The following DNAH3 variants were observed in gnomAD, a reference collection of about 807,000 sequenced individuals.
DNAH3 encodes the protein dynein axonemal heavy chain 3.
In DNAH3, 332 loss-of-function variants were observed where a neutral mutation model predicts 432.5. That is an observed-to-expected ratio of 0.77 (90% confidence interval 0.70 to 0.84). The LOEUF (loss-of-function observed/expected upper bound fraction) is 0.84. Among genes scored for constraint, DNAH3 ranks in the 40% least tolerant of loss-of-function variants. The pLI is 0.00. For synonymous variants in DNAH3, 1,956 were observed against 1,900.2 expected (o/e 1.03, Z -0.76); for missense variants, 4,861 against 5,114.0 (o/e 0.95, Z 1.51).
At chr16:20,978,392 G>A (rs1453425300) in intron 50 of DNAH3, among the ~76,000 whole-genome samples, 1 of 152,132 alleles carries the variant, frequency 6.6e-6, no homozygotes, top group Non-Finnish European at 1.5e-5. Context: ...AGCTGGGCGT[G>A]GTGGCACGCA....
intron 1 of DNAH3, among the ~76,000 whole-genome samples, chr16:21,153,606 T>G (rs144122378): frequency 1.3e-5 from 2 of 152,272 alleles, no homozygotes; most frequent in Middle Eastern, 3.4e-3. Context: ...CTGTTTGGGT[T>G]CATGCCGCCT....
chr16:21,058,576 C>T (rs2090219877), intron 26 of DNAH3, among the ~76,000 whole-genome samples: 2 of 152,062 alleles, frequency 1.3e-5, no homozygotes, highest in Admixed American at 6.6e-5. Flanking sequence ...AATTCTTTCC[C>T]TCAAGCTACA....
chr16:21,002,760 C>T (rs537780178), intron 42 of DNAH3, among the ~76,000 whole-genome samples: 1 of 152,072 alleles, frequency 6.6e-6, no homozygotes, highest in Non-Finnish European at 1.5e-5. Context: ...TGCGCCTGGC[C>T]AGTACCTGGT....
chr16:21,124,976 T>A (rs2092417923), intron 9 of DNAH3, among the ~76,000 whole-genome samples, 199 bp downstream of exon 10: 1 of 152,134 alleles, frequency 6.6e-6, no homozygotes, highest in Non-Finnish European at 1.5e-5. Flanking sequence ...TGTGTGTGTG[T>A]GTTGGGAACA....
chr16:20,976,554 A>T (rs2085598699), intron 50 of DNAH3, among the ~76,000 whole-genome samples: 1 of 152,346 alleles, frequency 6.6e-6, no homozygotes, highest in Admixed American at 6.5e-5. Flanking sequence ...GACAGCTGAG[A>T]TAGAAGGTAC....
At chr16:20,940,405 T>C (rs897049041) in intron 59 of DNAH3, among the ~76,000 whole-genome samples, 2 of 152,002 alleles carry the variant, frequency 1.3e-5, no homozygotes, top group Non-Finnish European at 2.9e-5. Context: ...GATTAGTAAC[T>C]GGACGTATTT....
At chr16:21,099,193 T>C (rs1397262825) in intron 16 of DNAH3, among the ~76,000 whole-genome samples, 1 of 152,162 alleles carries the variant, frequency 6.6e-6, no homozygotes, top group Non-Finnish European at 1.5e-5. Flanking sequence ...TCTACCTTCA[T>C]GGAGCTTCTA....
exon 53 of DNAH3, chr16:20,963,898 T>C (rs2084933214): frequency 2.5e-6 from 4 of 1,614,140 alleles, no homozygotes; most frequent in Non-Finnish European, 3.4e-6. Context: ...GGAATGCATG[T>C]AGAGATTTAT....
chr16:21,159,411 G>GT lies in DNAH3; in HGVS notation c.30dup (p.Leu11ThrfsTer27), dbSNP rs761239127. ...GGGCCCGGATGGGGAGGGGCGGCCAGTGTGAGCTCGAGGCGCCCTGTAGCT... is the reference window on the plus strand; with the variant it reads ...GGGCCCGGATGGGGAGGGGCGGCCAGTTGTGAGCTCGAGGCGCCCTGTAGCT... On this transcript the variant is annotated frameshift_variant, in exon 1 of 62. Coordinates refer to ENST00000261383, the Ensembl canonical transcript of DNAH3. LOFTEE classifies it high-confidence loss of function. The GT allele has an allele frequency of 3.7e-6, 6 of 1,614,016 alleles. No homozygotes were observed. Among genetic ancestry groups the GT allele is most frequent in the Non-Finnish European group, 5.1e-6 (6 of 1,180,038 alleles).
intron 54 of DNAH3, among the ~76,000 whole-genome samples, chr16:20,957,090 G>C (rs992785003): frequency 2.0e-5 from 3 of 152,130 alleles, no homozygotes; most frequent in Admixed American, 2.0e-4. Context: ...TTTATATGAA[G>C]ACAAATCAAC....
At chr16:21,070,116 G>A (rs977910234) in intron 22 of DNAH3, among the ~76,000 whole-genome samples, 2 of 151,976 alleles carry the variant, frequency 1.3e-5, no homozygotes, top group Admixed American at 6.6e-5. Flanking sequence ...CCCTATCTTC[G>A]GGTAGCTTAC....
At position 21,117,305 on chromosome 16, in the gene DNAH3, T is replaced by C. The variant is rs2092227174; in HGVS notation, c.1712A>G (p.Tyr571Cys). The change falls in exon 12 of 62, where the codon TAT (tyrosine) becomes TGT (cysteine). Residue 571 changes from tyrosine (Y) to cysteine (C), a missense_variant. Tyr to Cys is a radical substitution (Grantham distance 194). Coordinates refer to ENST00000261383, the Ensembl canonical transcript of DNAH3. ...GTTAACAGTTCCAAGGAGCAGATTA[T>C]ATCCTTTCAGCTCTGGGAACAGGAC... is the stretch of plus-strand genomic sequence containing the variant. 1.4e-5 allele frequency: 22 copies of C among 1,609,570 alleles called. No homozygotes were observed. In the East Asian group the frequency reaches 4.9e-4, roughly 36 times the overall value.
rs576064111 is a variant in DNAH3, at chr16:21,127,055, G to A, written c.1208+632C>T. Among the ~76,000 whole-genome samples the A allele has an allele frequency of 5.3e-5, 8 of 152,042 alleles. No homozygotes were observed. In the East Asian group the frequency reaches 7.7e-4, roughly 15 times the overall value. ...AAATGCCGTGTGCTTGAATCACCCC[G>A]AAACCATCCCACTGGCCCAGTCTGT... On this transcript the variant is annotated intron_variant, in intron 8 of 61. Coordinates refer to ENST00000261383, the Ensembl canonical transcript of DNAH3.
exon 3 of DNAH3, chr16:21,145,405 G>A: frequency 6.2e-7 from 1 of 1,613,292 alleles, no homozygotes; most frequent in Non-Finnish European, 8.5e-7. Context: ...TGACATGACA[G>A]TCTACGAGGT....
At chr16:21,127,577 C>T (rs536182027) in intron 8 of DNAH3, 110 bp downstream of exon 9, 145 of 1,328,188 alleles carry the variant, frequency 1.1e-4, no homozygotes, top group Middle Eastern at 2.8e-4. Context: ...AAAAAAGACA[C>T]GAAAGGATGC....
At chr16:21,153,712 G>A (rs1309885799) in intron 1 of DNAH3, among the ~76,000 whole-genome samples, 3 of 151,908 alleles carry the variant, frequency 2.0e-5, no homozygotes, top group East Asian at 1.9e-4. Context: ...GAACACATCC[G>A]AGCATCAGAA....
intron 8 of DNAH3, among the ~76,000 whole-genome samples, chr16:21,126,816 C>A (rs986342921): frequency 1.3e-5 from 2 of 151,980 alleles, no homozygotes; most frequent in South Asian, 4.2e-4. Flanking sequence ...AAGCGTGAAC[C>A]CTACTGTGAA....
chr16:21,090,207 C>T (rs537857781), intron 18 of DNAH3, among the ~76,000 whole-genome samples: 84 of 151,828 alleles, frequency 5.5e-4, no homozygotes, highest in East Asian at 1.2e-3. Context: ...AATATAAAAA[C>T]TTCAGAATCA....
At chr16:21,038,826 T>C (rs2089292842) in intron 33 of DNAH3, among the ~76,000 whole-genome samples, 1 of 152,022 alleles carries the variant, frequency 6.6e-6, no homozygotes, top group Non-Finnish European at 1.5e-5. Flanking sequence ...AACAAATGAG[T>C]TAAATGTCAT....
Sources: allele counts gnomAD v4.1 joint callset (sites outside exome capture counted in the v4.1 genomes callset), GRCh38; gene constraint gnomAD v4.1.1; transcripts MANE v1.5; gene names NCBI Gene and HGNC (gene_info 2026-07-23, HGNC 2026-07-21).